Variants in SEMA6D observed in about 807,000 individuals in gnomAD.
SEMA6D encodes the protein semaphorin 6D, also known as semaphorin-6D.
Under a neutral mutation model 106.6 loss-of-function variants are expected in SEMA6D, and 35 were observed. That is an observed-to-expected ratio of 0.33 (90% CI 0.25 to 0.44). The LOEUF (loss-of-function observed/expected upper bound fraction) is 0.44. SEMA6D is among the 20% of genes least tolerant of loss of function. The probability of loss-of-function intolerance (pLI) is 1.00; values close to 1 mark genes in which losing one functional copy is unlikely to be tolerated. For missense variants in SEMA6D, 1,185 were observed against 1,345.9 expected, an observed-to-expected ratio of 0.88 and a Z score of 1.87; for synonymous variants, 499 against 487.7, an observed-to-expected ratio of 1.02 and a Z score of -0.31.
intron 2 of SEMA6D, among the ~76,000 whole-genome samples, chr15:47,433,091 A>C (rs961898983): frequency 1.3e-5 from 2 of 152,044 alleles, no homozygotes; most frequent in African/African-American, 4.8e-5. Context: ...ATAGTGGTAT[A>C]TTCCTCCTTA....
intron 3 of SEMA6D, among the ~76,000 whole-genome samples, chr15:47,554,818 G>A (rs1392352936): frequency 2.6e-5 from 4 of 152,144 alleles, no homozygotes; most frequent in Non-Finnish European, 5.9e-5. Context: ...AGCCCACTGT[G>A]AGGAGGTGCT....
At chr15:47,202,575 C>T (rs1187365850) in intron 1 of SEMA6D, among the ~76,000 whole-genome samples, 1 of 152,138 alleles carries the variant, frequency 6.6e-6, no homozygotes, top group Non-Finnish European at 1.5e-5. Context: ...ATGCAAGACC[C>T]TGGAAGTATG....
intron 2 of SEMA6D, among the ~76,000 whole-genome samples, chr15:47,416,027 G>A (rs1477513210): frequency 6.6e-6 from 1 of 152,142 alleles, no homozygotes; most frequent in Non-Finnish European, 1.5e-5. Context: ...TTAACATAAT[G>A]GATGTGGGTC....
chr15:47,767,179 C>A (rs945790660), intron 17 of SEMA6D, 86 bp downstream of exon 17: 6 of 831,918 alleles, frequency 7.2e-6, no homozygotes, highest in South Asian at 1.8e-5. Context: ...TCCTTTTGCG[C>A]AGTTTGGCAG....
intron 2 of SEMA6D, among the ~76,000 whole-genome samples, chr15:47,416,170 C>G (rs1198609249): frequency 6.6e-6 from 1 of 152,138 alleles, no homozygotes; most frequent in Non-Finnish European, 1.5e-5. Context: ...ATGGTCCTCC[C>G]TAATGATAAC....
At chr15:47,703,470 T>C (rs2078855106) in intron 4 of SEMA6D, among the ~76,000 whole-genome samples, 1 of 152,168 alleles carries the variant, frequency 6.6e-6, no homozygotes, top group Admixed American at 6.5e-5. Context: ...TAACATATTT[T>C]TGTGCAATAT....
rs528521801 is a variant in SEMA6D, at chr15:47,565,758, A to G, written c.-86-35107A>G. 7.9e-5 allele frequency among the ~76,000 whole-genome samples: 12 copies of G among 152,270 alleles called. No homozygotes were observed. In the East Asian group the frequency reaches 2.3e-3, roughly 30 times the overall value. ...CCTTTTCTCCAACTCTATCATTGTAAAATTCCAGAAAAGTAGAATTGGAAA... is the reference window on the plus strand; with the variant it reads ...CCTTTTCTCCAACTCTATCATTGTAGAATTCCAGAAAAGTAGAATTGGAAA... On this transcript the variant is annotated intron_variant, in intron 3 of 19. Coordinates refer to the SEMA6D transcript ENST00000558014.
chr15:47,446,339 G>A (rs1325664438), intron 2 of SEMA6D, among the ~76,000 whole-genome samples: 1 of 152,140 alleles, frequency 6.6e-6, no homozygotes, highest in Non-Finnish European at 1.5e-5. Context: ...GGGATGCTCT[G>A]TTCTTTGCGG....
At chr15:47,378,869 A>G (rs1257699797) in intron 1 of SEMA6D, among the ~76,000 whole-genome samples, 1 of 152,220 alleles carries the variant, frequency 6.6e-6, no homozygotes, top group East Asian at 1.9e-4. Flanking sequence ...TAAGCTGGAC[A>G]TTATGGAAAC....
At chr15:47,266,432 C>A (rs1198872371) in intron 1 of SEMA6D, among the ~76,000 whole-genome samples, 1 of 152,050 alleles carries the variant, frequency 6.6e-6, no homozygotes, top group Non-Finnish European at 1.5e-5. Flanking sequence ...CTCTAAGTGA[C>A]AACTTTGTTT....
chr15:47,222,312 G>C (rs977449813), intron 1 of SEMA6D, among the ~76,000 whole-genome samples: 3 of 152,186 alleles, frequency 2.0e-5, no homozygotes, highest in Non-Finnish European at 4.4e-5. Flanking sequence ...GTTGCTTCCT[G>C]AGTCCCACTG....
intron 2 of SEMA6D, among the ~76,000 whole-genome samples, chr15:47,454,599 G>GTACACACACA (rs1555442706): frequency 6.7e-6 from 1 of 148,874 alleles, no homozygotes; most frequent in African/African-American, 2.5e-5. Context: ...TTGCACATGT[G>GTACACACACA]CACACACACA....
At chr15:47,760,503 A>G (rs1056783104) in intron 3 of SEMA6D, 88 bp downstream of exon 3, 2 of 998,104 alleles carry the variant, frequency 2.0e-6, no homozygotes, top group Non-Finnish European at 1.5e-6. Flanking sequence ...AAAAACTAAT[A>G]TGTGATTGTG....
intron 1 of SEMA6D, among the ~76,000 whole-genome samples, chr15:47,208,667 T>C (rs2141187090): frequency 6.6e-6 from 1 of 152,348 alleles, no homozygotes; most frequent in African/African-American, 2.4e-5. Context: ...TTTCTCATCA[T>C]GGTCTTAAGT....
intron 3 of SEMA6D, among the ~76,000 whole-genome samples, chr15:47,542,798 T>C (rs1200469209): frequency 1.3e-5 from 2 of 152,178 alleles, no homozygotes; most frequent in Admixed American, 1.3e-4. Flanking sequence ...CAGATGCTCT[T>C]CCTAGCAATG....
chr15:47,593,725 C>G (rs1163786973), intron 3 of SEMA6D, among the ~76,000 whole-genome samples: 1 of 152,128 alleles, frequency 6.6e-6, no homozygotes, highest in African/African-American at 2.4e-5. Flanking sequence ...CAGGAAGCAT[C>G]ATGCTGACAT....
upstream of SEMA6D, chr15:47,717,498 C>G (rs1445397464): frequency 6.5e-6 from 1 of 154,308 alleles, no homozygotes; most frequent in African/African-American, 2.4e-5. Flanking sequence ...TGTTTTGCTC[C>G]TGCTCTGTCC....
chr15:47,658,614 G>A (rs1292541150), intron 4 of SEMA6D, among the ~76,000 whole-genome samples: 1 of 152,110 alleles, frequency 6.6e-6, no homozygotes, highest in Non-Finnish European at 1.5e-5. Flanking sequence ...GTGTTGGACT[G>A]CGCAATCCTT....
At chr15:47,287,652 CTTCGTT>C (rs2035428548) in intron 1 of SEMA6D, among the ~76,000 whole-genome samples, 1 of 152,126 alleles carries the variant, frequency 6.6e-6, no homozygotes, top group African/African-American at 2.4e-5. Flanking sequence ...ACTTCCCTTC[CTTCGTT>C]GCTAATTTTT....
Sources: gnomAD v4.1 joint callset for allele counts (sites outside exome capture counted in the v4.1 genomes callset) on GRCh38, gnomAD v4.1.1 for gene constraint, MANE v1.5 for transcripts, NCBI Gene and HGNC (gene_info 2026-07-23, HGNC 2026-07-21) for gene names.